OGG1: variants seen among roughly 807,000 people sequenced by gnomAD.
OGG1 encodes 8-oxoguanine DNA glycosylase, also known as N-glycosylase/DNA lyase.
In OGG1, 35 loss-of-function variants were observed where a neutral mutation model predicts 42.3. That is an observed-to-expected ratio of 0.83 (90% CI 0.63 to 1.10). The LOEUF (loss-of-function observed/expected upper bound fraction) is 1.10. Among genes scored for constraint, OGG1 ranks in the 50% least tolerant of loss-of-function variants. The pLI is 0.00. For missense variants in OGG1, 484 were observed against 446.7 expected (o/e 1.08, Z -0.75); for synonymous variants, 189 against 179.0 (o/e 1.06, Z -0.44).
At chr3:9,763,423 CAG>C (rs2077988116) in intron 7 of OGG1, among the ~76,000 whole-genome samples, 1 of 136,896 alleles carries the variant, frequency 7.3e-6, no homozygotes, top group African/African-American at 2.8e-5. Context: ...AAAAAAAAAA[CAG>C]CGGTTTAGAG....
chr3:9,750,554 C>T (rs955219348), intron 1 of OGG1, 131 bp downstream of exon 1: 19 of 1,293,726 alleles, frequency 1.5e-5, no homozygotes, highest in South Asian at 1.3e-4. Context: ...GAAACAAGCA[C>T]GGGTAGCCAA....
At chr3:9,767,049 C>G (rs1443447935), downstream of OGG1, among the ~76,000 whole-genome samples, 1 of 152,172 alleles carries the variant, frequency 6.6e-6, no homozygotes, top group Non-Finnish European at 1.5e-5. Flanking sequence ...CCACATAGAA[C>G]CATGCCTCTA....
At chr3:9,759,313 A>G, downstream of OGG1, 1 of 1,567,862 alleles carries the variant, frequency 6.4e-7, no homozygotes, top group Non-Finnish European at 8.8e-7. Context: ...GGAATAGAGA[A>G]GGTGTTGGGA....
chr3:9,759,929 G>T, downstream of OGG1: 1 of 892,948 alleles, frequency 1.1e-6, no homozygotes, highest in Non-Finnish European at 1.7e-6. Context: ...GTGCCTTCCA[G>T]CTCTTTCCTT....
Position 9,750,272 on chromosome 3 carries a change from G to A in OGG1, c.-15G>A. 1.9e-6 allele frequency: 3 copies of A among 1,606,122 alleles called. No individual in the cohort carries two copies. Among genetic ancestry groups the A allele is most frequent in the Non-Finnish European group, 2.6e-6 (3 of 1,175,826 alleles). On this transcript the variant is annotated 5_prime_UTR_variant, in exon 1 of 7. In the 5' UTR this introduces an upstream ATG that the reference lacks. Transcript: ENST00000344629. ...GGGTAGGCGGGGCTACTACGGGGCG[G>A]TGCCTGCTGTGGAAATGCCTGCCCG...
chr3:9,756,935 C>A, intron 6 of OGG1, 119 bp downstream of exon 6: 2 of 1,611,996 alleles, frequency 1.2e-6, no homozygotes, highest in Non-Finnish European at 1.7e-6. Flanking sequence ...GTCCCAACCC[C>A]AGTGGATTCT....
chr3:9,776,996 C>T (rs999604144), intron 2 of OGG1, among the ~76,000 whole-genome samples: 1 of 152,186 alleles, frequency 6.6e-6, no homozygotes, highest in African/African-American at 2.4e-5. Flanking sequence ...TACTCCCCGA[C>T]CACATTTCCA....
intron 3 of OGG1, among the ~76,000 whole-genome samples, chr3:9,753,033 G>A (rs1023294980): frequency 6.6e-6 from 1 of 152,054 alleles, no homozygotes; most frequent in African/African-American, 2.4e-5. Context: ...GGGTTACAGA[G>A]CGAGACTCCA....
chr3:9,778,959 T>G (rs187251536), intron 2 of OGG1, among the ~76,000 whole-genome samples: 1 of 152,176 alleles, frequency 6.6e-6, no homozygotes, highest in African/African-American at 2.4e-5. Flanking sequence ...AATCTTACCC[T>G]CCCTTCTCTC....
intron 3 of OGG1, among the ~76,000 whole-genome samples, chr3:9,786,092 C>T (rs1264604646): frequency 6.6e-6 from 1 of 152,196 alleles, no homozygotes; most frequent in African/African-American, 2.4e-5. Flanking sequence ...GCGCCTGCCA[C>T]TATGCCCGGC....
chr3:9,754,956 TGGG>T, intron 4 of OGG1, 71 bp downstream of exon 4: 1 of 1,378,378 alleles, frequency 7.3e-7, no homozygotes, highest in Non-Finnish European at 1.0e-6. Flanking sequence ...GAGCCAAGCC[TGGG>T]AGCTGGGTGG....
chr3:9,777,974 G>A (rs2078385963), intron 2 of OGG1, among the ~76,000 whole-genome samples: 1 of 152,216 alleles, frequency 6.6e-6, no homozygotes, highest in Admixed American at 6.5e-5. Context: ...CCAGTGAGTT[G>A]TAATGAAGAG....
chr3:9,773,689 TTTA>T (rs1248044463), intron 2 of OGG1, among the ~76,000 whole-genome samples: 4 of 151,594 alleles, frequency 2.6e-5, no homozygotes, highest in South Asian at 4.2e-4. Context: ...CTTTTATTTA[TTTA>T]TTTATTTATT....
At chr3:9,787,513 T>A in intron 3 of OGG1, 1 of 1,044,362 alleles carries the variant, frequency 9.6e-7, no homozygotes, top group Non-Finnish European at 1.4e-6. Flanking sequence ...CTTCACACTC[T>A]AGTAAGGGAG....
downstream of OGG1, among the ~76,000 whole-genome samples, chr3:9,770,654 G>C (rs1370486426): frequency 2.0e-5 from 3 of 152,340 alleles, no homozygotes; most frequent in Admixed American, 2.0e-4. Context: ...GAGGTGTCAC[G>C]TGACTGGCGG....
intron 2 of OGG1, among the ~76,000 whole-genome samples, chr3:9,781,110 A>G (rs974334144): frequency 2.6e-5 from 4 of 152,094 alleles, no homozygotes; most frequent in Non-Finnish European, 5.9e-5. Context: ...AGTCTGGGCA[A>G]CAGAGCGTGA....
downstream of OGG1, chr3:9,760,473 A>G: frequency 3.5e-6 from 2 of 576,970 alleles, no homozygotes; most frequent in African/African-American, 3.8e-5. Context: ...TCACTCTGGG[A>G]GCCAAGCAGA....
chr3:9,761,847 A>G, downstream of OGG1: 1 of 1,534,794 alleles, frequency 6.5e-7, no homozygotes, highest in Non-Finnish European at 8.7e-7. Flanking sequence ...TCTGAGAAAT[A>G]ATGGATCCCC....
At chr3:9,768,771 C>CT (rs1559707344), downstream of OGG1, among the ~76,000 whole-genome samples, 1 of 152,206 alleles carries the variant, frequency 6.6e-6, no homozygotes, top group Non-Finnish European at 1.5e-5. Flanking sequence ...CTCTTTTTCT[C>CT]TAAGGGAGAA....
Sources: gnomAD v4.1 joint callset for allele counts (sites outside exome capture counted in the v4.1 genomes callset) on GRCh38, gnomAD v4.1.1 for gene constraint, MANE v1.5 for transcripts, NCBI Gene and HGNC (gene_info 2026-07-23, HGNC 2026-07-21) for gene names.